MVD: variants seen among roughly 807,000 people sequenced by gnomAD.
The protein encoded by MVD is mevalonate diphosphate decarboxylase, also known as diphosphomevalonate decarboxylase.
A neutral mutation model predicts 42.4 loss-of-function variants in MVD; 52 were observed. That is an observed-to-expected ratio of 1.23 (90% CI 0.98 to 1.55). The LOEUF (loss-of-function observed/expected upper bound fraction) is 1.55. Ranked by LOEUF, MVD falls within the 40% of genes most tolerant of loss-of-function variation. MVD has a pLI of 0.00. For missense variants in MVD, 663 were observed against 572.1 expected, an observed-to-expected ratio of 1.16 and a Z score of -1.62; for synonymous variants, 287 against 243.2, an observed-to-expected ratio of 1.18 and a Z score of -1.68.
intron 1 of MVD, among the ~76,000 whole-genome samples, chr16:88,660,102 G>A (rs1908196905): frequency 6.6e-6 from 1 of 152,038 alleles, no homozygotes; most frequent in Non-Finnish European, 1.5e-5. Context: ...AGTCATTGGA[G>A]AGCACACGGG....
rs1318527715 is a variant in MVD, at chr16:88,657,484, G to A, written c.355C>T (p.Pro119Ser). The A allele has an allele frequency of 1.2e-6, 2 of 1,612,708 alleles. No individual in the cohort carries two copies. Among genetic ancestry groups the A allele is most frequent in the African/African-American group, 1.3e-5 (1 of 75,070 alleles). ...KVHVASVNNF[P>S]TAAGLASSAA... ...GAGGAGGCCAGGCCCGCAGCCGTGG[G>A]GAAGTTGTTCACCGATGCCACGTGC... Residue 119 changes from proline to serine, a missense_variant, in exon 4 of 10, where the codon CCC becomes TCC. Coordinates refer to ENST00000301012, the MANE Select transcript of MVD (RefSeq NM_002461.3).
chr16:88,657,444 G>T lies in MVD; in HGVS notation c.395C>A (p.Ala132Asp). The part of the protein sequence containing the change: ...AGLASSAAGY[A>D]CLAYTLARVY... Reference sequence around the variant, plus strand: ...TCTCTGTGGGCACCCACCTAGGCAGGCATAGCCCGCCGCTGAGGAGGCCAG... The same window carrying T: ...TCTCTGTGGGCACCCACCTAGGCAGTCATAGCCCGCCGCTGAGGAGGCCAG... The change falls in exon 4 of 10, where the codon GCC becomes GAC. Residue 132 changes from alanine to aspartate, a missense_variant. Transcript: ENST00000301012. The T allele has an allele frequency of 6.2e-7, 1 of 1,604,830 alleles. No homozygotes were observed. The highest frequency in any genetic ancestry group is 8.5e-7 in the Non-Finnish European group (1 of 1,176,406).
chr16:88,662,583 C>T (rs1908374835), intron 1 of MVD: 2 of 906,432 alleles, frequency 2.2e-6, no homozygotes, highest in Non-Finnish European at 1.4e-6. Context: ...CACAGGGTCT[C>T]GGGCTGGGGG....
intron 1 of MVD, among the ~76,000 whole-genome samples, chr16:88,661,050 A>G (rs1009500524): frequency 4.0e-5 from 6 of 149,632 alleles, no homozygotes; most frequent in Non-Finnish European, 7.4e-5. Flanking sequence ...GAGAAAATCC[A>G]GAAATAGACC....
In MVD at chr16:88,658,610, G is replaced by A. The variant is rs375623779; in HGVS notation, c.141+40C>T. The A allele has an allele frequency of 1.6e-3, 2,627 of 1,592,850 alleles. 53 individuals are homozygous for A. In the South Asian group the frequency reaches 0.028, roughly 17 times the overall value. On this transcript the variant is annotated intron_variant, in intron 2 of 9. Coordinates refer to ENST00000301012, the MANE Select transcript of MVD (RefSeq NM_002461.3). Reference sequence around the variant, plus strand: ...TACCAACTGTTCTACAAATGTTCTGGAAATGGCACTGTGGTGTTTAGTCGT... The same window carrying A: ...TACCAACTGTTCTACAAATGTTCTGAAAATGGCACTGTGGTGTTTAGTCGT...
Position 88,656,240 on chromosome 16 carries a change from T to G in MVD, c.468A>C (p.Ser156=), listed in dbSNP as rs776801924. ...SDLSEVARRG[S]GSACRSLYGG... ...CATACAGGCTCCGGCAGGCGCTGCC[T>G]GAGCCCCGGCGAGCCACTTCTGAGA... Residue 156 remains serine (S), a synonymous_variant, in exon 5 of 10, where the codon TCA becomes TCC. Transcript: ENST00000301012. The G allele has an allele frequency of 1.3e-6, 2 of 1,599,802 alleles. No homozygotes were observed. Among genetic ancestry groups the G allele is most frequent in the Non-Finnish European group, 1.7e-6 (2 of 1,179,902 alleles).
At position 88,658,735 on chromosome 16, in the gene MVD, C is replaced by T; in HGVS notation, c.71-15G>A. 6.2e-7 allele frequency: 1 copy of T among 1,606,852 alleles called. No homozygotes were observed. Among genetic ancestry groups the T allele is most frequent in the Non-Finnish European group, 8.5e-7 (1 of 1,176,916 alleles). The stretch of plus-strand genomic sequence containing the variant: ...GCGCTTGCCCCCTGTAATGAACAGC[C>T]AGGGCCAGGCCGGTGGGCTTCCCGG... On this transcript the variant is annotated splice_polypyrimidine_tract_variant and intron_variant, in intron 1 of 9. Transcript: ENST00000301012.
In MVD at chr16:88,657,465, G is replaced by T; in HGVS notation, c.374C>A (p.Ala125Asp). The change falls in exon 4 of 10, where the codon GCC becomes GAC. Residue 125 changes from alanine to aspartate, a missense_variant. Physicochemically the swap from Ala to Asp is moderately radical, Grantham distance 126. Transcript: ENST00000301012. ...GCAGGCATAGCCCGCCGCTGAGGAG[G>T]CCAGGCCCGCAGCCGTGGGGAAGTT... is the stretch of plus-strand genomic sequence containing the variant. ...VNNFPTAAGL[A>D]SSAAGYACLA... The T allele has an allele frequency of 6.2e-7, 1 of 1,611,630 alleles. No individual in the cohort carries two copies. Among genetic ancestry groups the T allele is most frequent in the Non-Finnish European group, 8.5e-7 (1 of 1,179,490 alleles).
rs760445414 is a variant in MVD at position 88,654,625 on chromosome 16, C to G, written c.1013+67G>C. On this transcript the variant is annotated intron_variant, in intron 8 of 9. Transcript: ENST00000301012. ...CAGCGCCACAGCCTTCAGGTGCCTC[C>G]GTCTCTTCCGACCAGAGTTCCTGGC... 2.7e-4 allele frequency: 404 copies of G among 1,489,886 alleles called. 1 individual carries two copies. The highest frequency in any genetic ancestry group is 3.4e-4 in the Non-Finnish European group (376 of 1,104,540). The allele number at this position is 1,489,886 out of a possible 1,614,324, so 92.3% of individuals were successfully genotyped here. A position where few individuals can be genotyped will look rare whatever the true frequency, so the allele number is the denominator to read the frequency against.
intron 4 of MVD, chr16:88,656,662 G>A (rs1011839813): frequency 1.1e-5 from 4 of 377,818 alleles, no homozygotes; most frequent in South Asian, 2.7e-5. Context: ...GCTGTGTGGG[G>A]CAGGGACCGA....
intron 1 of MVD, among the ~76,000 whole-genome samples, chr16:88,661,078 C>A (rs1012090238): frequency 1.1e-4 from 16 of 148,280 alleles, no homozygotes; most frequent in Non-Finnish European, 2.1e-4. Context: ...ACATGCCCAG[C>A]TGATTTTTTT....
At position 88,653,361 on chromosome 16, in the gene MVD, A is replaced by G. The variant is rs1382231483; in HGVS notation, c.1061T>C (p.Leu354Pro). 6.3e-7 allele frequency: 1 copy of G among 1,599,002 alleles called. No individual in the cohort carries two copies. The highest frequency in any genetic ancestry group is 8.5e-7 in the Non-Finnish European group (1 of 1,176,244). Residue 354 changes from leucine to proline, a missense_variant, in exon 9 of 10, where the codon CTT (leucine) becomes CCT (proline). Transcript: ENST00000301012. ...QVRPAPLSAE[L>P]QAALAMEPTP... is the part of the protein sequence containing the mutation. ...CGGCTCCATGGCCAGCGCAGCCTGA[A>G]GCTCAGCTGAGAGAGGGGCCGGCCT...
At chr16:88,661,430 G>C in intron 1 of MVD, among the ~76,000 whole-genome samples, 1 of 151,860 alleles carries the variant, frequency 6.6e-6, no homozygotes, top group African/African-American at 2.4e-5. Flanking sequence ...CACCATGTTG[G>C]CCAAGCTGGT....
intron 6 of MVD, 63 bp from the exon 7 acceptor site, chr16:88,655,480 A>G: frequency 5.9e-6 from 9 of 1,529,872 alleles, no homozygotes; most frequent in Non-Finnish European, 7.9e-6. Context: ...GGGTTCGAGG[A>G]GAGACTCCGG....
rs200434281 is a variant in MVD, at chr16:88,657,975, A to G, written c.196T>C (p.Trp66Arg). The change falls in exon 3 of 10, where the codon TGG becomes CGG. Residue 66 changes from tryptophan (W) to arginine (R), a missense_variant. Coordinates refer to ENST00000301012, the MANE Select transcript of MVD (RefSeq NM_002461.3). ...ACATCCTCCTCCCGGCCATTCAGCC[A>G]AATCCGGTCCTCGGTGAAGTCCTTG... ...ISKDFTEDRI[W>R]LNGREEDVGQ... The G allele has an allele frequency of 1.1e-4, 175 of 1,614,004 alleles. No individual in the cohort carries two copies. Among genetic ancestry groups the G allele is most frequent in the Non-Finnish European group, 1.2e-4 (144 of 1,180,020 alleles).
chr16:88,661,266 T>A (rs1221376478), intron 1 of MVD, among the ~76,000 whole-genome samples: 1 of 152,304 alleles, frequency 6.6e-6, no homozygotes, highest in East Asian at 1.9e-4. Flanking sequence ...TCAACATTGA[T>A]ACACTGAACT....
intron 8 of MVD, among the ~76,000 whole-genome samples, chr16:88,654,174 G>A (rs1022258990): frequency 3.3e-5 from 5 of 151,852 alleles, no homozygotes; most frequent in African/African-American, 9.7e-5. Flanking sequence ...GCTGTGCACC[G>A]AGGAGGGCGT....
chr16:88,657,725 C>T, intron 3 of MVD, 143 bp from the exon 4 acceptor site: 1 of 1,335,882 alleles, frequency 7.5e-7, no homozygotes, highest in Non-Finnish European at 1.0e-6. Context: ...CGGGAAAACC[C>T]CAGACTGACC....
Position 88,656,302 on chromosome 16 carries a change from A to G in MVD, c.406T>C (p.Tyr136His), listed in dbSNP as rs764142394. The G allele has an allele frequency of 5.6e-6, 9 of 1,599,130 alleles. No homozygotes were observed. In the East Asian group the frequency reaches 1.8e-4, roughly 32 times the overall value. The stretch of plus-strand genomic sequence containing the variant: ...ACGCCGTAGACACGGGCCAGGGTGT[A>G]GGCTGCAGGCATGCGGATTCAGGGA... ...SSAAGYACLAYTLARVYGVES... is the reference protein window; with the variant it reads ...SSAAGYACLAHTLARVYGVES... The change falls in exon 5 of 10, where the codon TAC becomes CAC. Residue 136 changes from tyrosine (Y) to histidine (H), a missense_variant and splice_region_variant. Tyr to His is a moderately conservative substitution (Grantham distance 83). Transcript: ENST00000301012.
Sources: allele counts gnomAD v4.1 joint callset (sites outside exome capture counted in the v4.1 genomes callset), GRCh38; gene constraint gnomAD v4.1.1; transcripts MANE v1.5; gene names NCBI Gene and HGNC (gene_info 2026-07-23, HGNC 2026-07-21).